Variants in CORO1C observed in about 807,000 individuals in gnomAD.
CORO1C encodes coronin-1C.
Under a neutral mutation model 51.2 loss-of-function variants are expected in CORO1C, and 14 were observed. The observed-to-expected ratio is 0.27, with a 90% CI of 0.18 to 0.43. The LOEUF (loss-of-function observed/expected upper bound fraction) is 0.43. Among genes scored for constraint, CORO1C ranks in the 20% least tolerant of loss-of-function variants. The pLI is 1.00. For missense variants in CORO1C, 417 were observed against 607.8 expected, an observed-to-expected ratio of 0.69 and a Z score of 3.30; for synonymous variants, 181 against 210.5, an observed-to-expected ratio of 0.86 and a Z score of 1.21.
chr12:108,671,916 C>A (rs1345199280), intron 3 of CORO1C, among the ~76,000 whole-genome samples: 1 of 152,114 alleles, frequency 6.6e-6, no homozygotes, highest in Admixed American at 6.6e-5. Flanking sequence ...GCACTCACCA[C>A]CACACCCAGC....
At chr12:108,661,990 G>A (rs776403648) in intron 4 of CORO1C, 39 bp downstream of exon 4, 17 of 1,612,982 alleles carry the variant, frequency 1.1e-5, no homozygotes, top group Middle Eastern at 1.6e-4. Context: ...AGCCACAAGA[G>A]TGGAAGACAA....
At chr12:108,722,543 A>G (rs955814635) in intron 1 of CORO1C, among the ~76,000 whole-genome samples, 4 of 152,194 alleles carry the variant, frequency 2.6e-5, no homozygotes, top group African/African-American at 7.2e-5. Flanking sequence ...ATCACCATAA[A>G]CAATTTCAAA....
At chr12:108,723,817 G>A (rs1390645038) in intron 1 of CORO1C, among the ~76,000 whole-genome samples, 1 of 152,190 alleles carries the variant, frequency 6.6e-6, no homozygotes, top group Non-Finnish European at 1.5e-5. Flanking sequence ...TAAACTTGGT[G>A]TTTTCAAATA....
chr12:108,678,481 C>G (rs1042474301), intron 2 of CORO1C, 87 bp from the exon 3 acceptor site: 3 of 1,172,284 alleles, frequency 2.6e-6, no homozygotes, highest in Admixed American at 2.7e-5. Flanking sequence ...CATTTATTAC[C>G]TCCACCCAAA....
At chr12:108,687,523 G>A (rs1028917364) in intron 2 of CORO1C, among the ~76,000 whole-genome samples, 3 of 151,476 alleles carry the variant, frequency 2.0e-5, no homozygotes, top group African/African-American at 4.9e-5. Context: ...AGTGGCTCAC[G>A]CCTGTAATCT....
In CORO1C at chr12:108,658,990, A is replaced by C; in HGVS notation, c.449-71T>G. 6.8e-7 allele frequency: 1 copy of C among 1,480,664 alleles called. No individual in the cohort carries two copies. The highest frequency in any genetic ancestry group is 1.8e-5 in the Admixed American group (1 of 55,660). The allele number at this position is 1,480,664 out of a possible 1,614,324, so 91.7% of individuals were successfully genotyped here. ...ATGTAACACACTCAGAAAACTACAGATACAGTGAGAATACACATATGTATA... is the reference window on the plus strand; with the variant it reads ...ATGTAACACACTCAGAAAACTACAGCTACAGTGAGAATACACATATGTATA... On this transcript the variant is annotated intron_variant, in intron 4 of 10. Transcript: ENST00000261401. The surrounding 1 kb of genome is among the most constrained non-coding windows in gnomAD (Gnocchi z 4.9).
At chr12:108,648,019 G>A (rs941152497) in intron 10 of CORO1C, among the ~76,000 whole-genome samples, 5 of 152,138 alleles carry the variant, frequency 3.3e-5, no homozygotes, top group Admixed American at 6.5e-5. Context: ...CCCAGGACCT[G>A]CTCTCCCGGC....
chr12:108,682,688 T>C (rs2136839199), intron 2 of CORO1C, among the ~76,000 whole-genome samples: 1 of 152,298 alleles, frequency 6.6e-6, no homozygotes, highest in Non-Finnish European at 1.5e-5. Context: ...TGAATATATA[T>C]AACCTTGTAC....
Position 108,717,707 on chromosome 12 carries a change from T to G in CORO1C, c.-6+13722A>C, listed in dbSNP as rs137918589. Among the ~76,000 whole-genome samples, 394 of 152,316 alleles carry G rather than the reference T, an allele frequency of 2.6e-3. 4 individuals carry two copies. The highest frequency in any genetic ancestry group is 9.0e-3 in the African/African-American group (373 of 41,572). ...CCACCTTCTCTTTGGTGTGGAGACT[T>G]ACTTACTACCTCTTAGTAGTAGCTT... On this transcript the variant is annotated intron_variant, in intron 1 of 10. Coordinates refer to ENST00000261401, the MANE Select transcript of CORO1C (RefSeq NM_014325.4).
intron 1 of CORO1C, among the ~76,000 whole-genome samples, chr12:108,715,161 G>A (rs572160471): frequency 6.6e-6 from 1 of 152,190 alleles, no homozygotes; most frequent in East Asian, 1.9e-4. Context: ...TTGAGCCCAG[G>A]AGTCTGAGGC....
chr12:108,684,833 TAAG>T (rs368990543), intron 2 of CORO1C, among the ~76,000 whole-genome samples: 161 of 152,304 alleles, frequency 1.1e-3, no homozygotes, highest in African/African-American at 3.7e-3. Context: ...ATAATAAAGT[TAAG>T]AAATACACCA....
At chr12:108,712,435 G>A (rs1010716705) in intron 1 of CORO1C, among the ~76,000 whole-genome samples, 10 of 151,698 alleles carry the variant, frequency 6.6e-5, no homozygotes, top group Admixed American at 6.6e-5. Context: ...TCAGGTGGGC[G>A]TGGTTGCAGG....
intron 6 of CORO1C, among the ~76,000 whole-genome samples, chr12:108,655,610 G>A (rs891350140): frequency 1.3e-5 from 2 of 152,240 alleles, no homozygotes; most frequent in Admixed American, 6.5e-5. Context: ...TCCAGCTCCT[G>A]ACCACGAGTA....
chr12:108,677,141 C>A (rs1241000379), intron 3 of CORO1C, among the ~76,000 whole-genome samples: 1 of 152,172 alleles, frequency 6.6e-6, no homozygotes, highest in East Asian at 1.9e-4. Context: ...TGCGAGACTA[C>A]CTGACATGTG....
rs1027554177 is a variant in CORO1C, at chr12:108,652,482, T to G, written c.856-65A>C. Reference sequence around the variant, plus strand: ...CTGAAACATCTGGATTATGGGGGTGTCTCTCTCCTCTACAAACCCAGCAGT... The same window carrying G: ...CTGAAACATCTGGATTATGGGGGTGGCTCTCTCCTCTACAAACCCAGCAGT... On this transcript the variant is annotated intron_variant, in intron 7 of 10. Transcript: ENST00000261401. The G allele has an allele frequency of 4.4e-6, 6 of 1,354,210 alleles. No homozygotes were observed. In the Admixed American group the frequency reaches 5.3e-5, roughly 12 times the overall value. 83.9% of individuals were successfully genotyped at this position (1,354,210 alleles called of 1,614,324 possible). A position where few individuals can be genotyped will look rare whatever the true frequency, so the allele number is the denominator to read the frequency against.
chr12:108,649,151 A>G, intron 8 of CORO1C, 131 bp from the exon 9 acceptor site: 1 of 1,003,800 alleles, frequency 1.0e-6, no homozygotes, highest in East Asian at 2.5e-5. Context: ...CATCTGATCC[A>G]CCCCGGGAAT....
chr12:108,722,907 T>C (rs1357082257), intron 1 of CORO1C, among the ~76,000 whole-genome samples: 2 of 152,192 alleles, frequency 1.3e-5, no homozygotes, highest in East Asian at 1.9e-4. Flanking sequence ...CTAGCAGTCT[T>C]AGGGAGAAAA....
At chr12:108,693,052 C>G (rs1332832444) in intron 2 of CORO1C, among the ~76,000 whole-genome samples, 2 of 152,110 alleles carry the variant, frequency 1.3e-5, no homozygotes, top group East Asian at 3.8e-4. Context: ...CCTGCCTCGG[C>G]CTCCCAAAGC....
chr12:108,697,307 T>C (rs1044862293), intron 2 of CORO1C, among the ~76,000 whole-genome samples: 1 of 152,178 alleles, frequency 6.6e-6, no homozygotes, highest in African/African-American at 2.4e-5. Flanking sequence ...CTAACCTGCC[T>C]GTCTATAACC....
Sources: allele counts gnomAD v4.1 joint callset (sites outside exome capture counted in the v4.1 genomes callset), GRCh38; gene constraint gnomAD v4.1.1; non-coding constraint Gnocchi (gnomAD v3.1); transcripts MANE v1.5; gene names NCBI Gene and HGNC (gene_info 2026-07-23, HGNC 2026-07-21).